Variants in IL1RAPL1 observed in about 807,000 individuals in gnomAD.
IL1RAPL1 encodes the protein interleukin-1 receptor accessory protein-like 1.
IL1RAPL1 carries 3 observed loss-of-function variants against 48.4 expected under a neutral mutation model. The ratio of observed to expected loss-of-function variants is 0.06; its 90% CI spans 0.03 to 0.16. The LOEUF is 0.16. Among genes scored for constraint, IL1RAPL1 ranks in the 10% least tolerant of loss-of-function variants. The pLI is 1.00. For missense variants in IL1RAPL1, 349 were observed against 530.6 expected (o/e 0.66, Z 3.36); for synonymous variants, 185 against 187.7 (o/e 0.99, Z 0.12).
intron 5 of IL1RAPL1, among the ~76,000 whole-genome samples, chrX:29,474,829 A>T (rs1288662827): frequency 9.0e-6 from 1 of 111,551 alleles, no homozygotes; most frequent in Non-Finnish European, 1.9e-5. Flanking sequence ...ACATTTCAAC[A>T]TGAGGTTTGG....
At chrX:28,899,906 T>C (rs1207059325) in intron 2 of IL1RAPL1, among the ~76,000 whole-genome samples, 3 of 112,113 alleles carry the variant, frequency 2.7e-5, no homozygotes, top group Admixed American at 9.5e-5. Context: ...TGTGGGCATC[T>C]TTGACTTTAA....
intron 9 of IL1RAPL1, among the ~76,000 whole-genome samples, chrX:29,949,455 A>G (rs1345915371): frequency 8.9e-6 from 1 of 111,855 alleles, no homozygotes; most frequent in African/African-American, 3.2e-5. Context: ...GAAAGTCATA[A>G]GAAAGAGTAA....
intron 9 of IL1RAPL1, among the ~76,000 whole-genome samples, chrX:29,947,770 TG>T (rs371938484): frequency 3.4e-5 from 3 of 87,677 alleles, no homozygotes; most frequent in Non-Finnish European, 6.7e-5. Context: ...TTTTTTTTGG[TG>T]GGGGGGTGGG....
intron 6 of IL1RAPL1, among the ~76,000 whole-genome samples, chrX:29,797,228 G>GAGCC (rs1929762301): frequency 8.9e-6 from 1 of 112,230 alleles, no homozygotes; most frequent in Non-Finnish European, 1.9e-5. Flanking sequence ...ACTTGCCTTG[G>GAGCC]CACATGGCAG....
At chrX:29,081,024 CTTT>C (rs1200022805) in intron 2 of IL1RAPL1, among the ~76,000 whole-genome samples, 832 of 41,201 alleles carry the variant, frequency 0.02, 20 homozygotes, top group Middle Eastern at 0.041. Flanking sequence ...CTCTCTCTTT[CTTT>C]TCTTTTCTTT....
chrX:29,895,115 C>T (rs1353914832), intron 6 of IL1RAPL1, among the ~76,000 whole-genome samples: 7 of 109,809 alleles, frequency 6.4e-5, no homozygotes, highest in Admixed American at 9.7e-5. Context: ...TGAGCCACCG[C>T]GCCCGGCCCC....
At chrX:29,005,214 T>C (rs1447997823) in intron 2 of IL1RAPL1, among the ~76,000 whole-genome samples, 1 of 112,043 alleles carries the variant, frequency 8.9e-6, no homozygotes, top group African/African-American at 3.2e-5. Context: ...GATCTACTAA[T>C]TCATTATTAT....
chrX:28,999,382 C>T (rs921675928), intron 2 of IL1RAPL1, among the ~76,000 whole-genome samples: 12 of 110,971 alleles, frequency 1.1e-4, no homozygotes, highest in Non-Finnish European at 2.1e-4. Context: ...TGGATTTGTC[C>T]TTCCCTCTGT....
intron 6 of IL1RAPL1, among the ~76,000 whole-genome samples, chrX:29,705,896 G>T (rs1163884461): frequency 8.9e-6 from 1 of 112,407 alleles, no homozygotes; most frequent in African/African-American, 3.2e-5. Context: ...AAAGCACTTT[G>T]TATTAGTCCA....
At chrX:29,080,340 C>T (rs955406458) in intron 2 of IL1RAPL1, among the ~76,000 whole-genome samples, 56 of 110,093 alleles carry the variant, frequency 5.1e-4, no homozygotes, top group African/African-American at 1.7e-3. Flanking sequence ...ATTTGTGCCA[C>T]TGCACTCCAG....
chrX:29,801,022 A>C (rs866732869), intron 6 of IL1RAPL1, among the ~76,000 whole-genome samples: 1 of 76,190 alleles, frequency 1.3e-5, no homozygotes, highest in African/African-American at 4.9e-5. Context: ...AAAAAAAAAA[A>C]AAAAAAAAAA....
At chrX:29,106,995 G>A (rs1928461617) in intron 2 of IL1RAPL1, among the ~76,000 whole-genome samples, 1 of 111,789 alleles carries the variant, frequency 8.9e-6, no homozygotes. Context: ...GTTCAAACAT[G>A]TATAAAGATG....
intron 1 of IL1RAPL1, among the ~76,000 whole-genome samples, chrX:28,646,168 C>T (rs1186974363): frequency 1.8e-5 from 2 of 111,948 alleles, no homozygotes; most frequent in African/African-American, 6.5e-5. Context: ...ACCGTTCCAC[C>T]TCAGAACATC....
intron 2 of IL1RAPL1, among the ~76,000 whole-genome samples, chrX:28,977,555 G>A (rs1343683035): frequency 1.8e-5 from 2 of 112,446 alleles, no homozygotes; most frequent in Non-Finnish European, 3.8e-5. Flanking sequence ...AATTGAACAT[G>A]AGATTTATGT....
At chrX:29,533,457 A>G (rs1171432176) in intron 5 of IL1RAPL1, among the ~76,000 whole-genome samples, 2 of 112,698 alleles carry the variant, frequency 1.8e-5, no homozygotes, top group Non-Finnish European at 3.7e-5. Context: ...ATTTCTAAAT[A>G]ATATTCCATT....
At chrX:28,772,382 A>G (rs771946234) in intron 1 of IL1RAPL1, among the ~76,000 whole-genome samples, 1 of 111,511 alleles carries the variant, frequency 9.0e-6, no homozygotes, top group African/African-American at 3.3e-5. Flanking sequence ...GGGTGATTGC[A>G]ATAAACTACT....
At chrX:28,638,716 C>A (rs961130546) in intron 1 of IL1RAPL1, among the ~76,000 whole-genome samples, 2 of 109,275 alleles carry the variant, frequency 1.8e-5, no homozygotes, top group African/African-American at 6.7e-5. Flanking sequence ...TAGGGATGAT[C>A]TCGATATAGG....
chrX:29,727,948 T>C (rs948617990), intron 6 of IL1RAPL1, among the ~76,000 whole-genome samples: 1 of 111,010 alleles, frequency 9.0e-6, no homozygotes, highest in Non-Finnish European at 1.9e-5. Context: ...TATTTATTTA[T>C]TTACTTTGAG....
At chrX:29,448,898 C>T (rs778952086) in intron 5 of IL1RAPL1, among the ~76,000 whole-genome samples, 27 of 111,245 alleles carry the variant, frequency 2.4e-4, no homozygotes, top group Non-Finnish European at 4.7e-4. Context: ...TTCATTCTCA[C>T]ATGGCGGAGA....
Sources: allele counts gnomAD v4.1 joint callset (sites outside exome capture counted in the v4.1 genomes callset), GRCh38; gene constraint gnomAD v4.1.1; transcripts MANE v1.5; gene names NCBI Gene and HGNC (gene_info 2026-07-23, HGNC 2026-07-21).